Variants in NAALADL2 observed in about 807,000 individuals in gnomAD.
NAALADL2 encodes the protein N-acetylated alpha-linked acidic dipeptidase like 2, also known as inactive N-acetylated-alpha-linked acidic dipeptidase-like protein 2.
NAALADL2 carries 76 observed loss-of-function variants against 87.2 expected under a neutral mutation model. The ratio of observed to expected loss-of-function variants is 0.87; its 90% CI spans 0.72 to 1.05. The LOEUF is 1.05. Ranked by LOEUF, NAALADL2 falls within the 50% of genes least tolerant of loss-of-function variation. The probability of loss-of-function intolerance (pLI) is 0.00; values close to 1 mark genes in which losing one functional copy is unlikely to be tolerated. For synonymous variants in NAALADL2, 354 were observed against 331.0 expected, an observed-to-expected ratio of 1.07 and a Z score of -0.75; for missense variants, 1,089 against 945.8, an observed-to-expected ratio of 1.15 and a Z score of -1.99.
Position 175,563,620 on chromosome 3 carries a change from A to G in NAALADL2, c.1654-12421A>G, listed in dbSNP as rs146096861. On this transcript the variant is annotated intron_variant, in intron 9 of 13. Coordinates refer to ENST00000454872, the MANE Select transcript of NAALADL2 (RefSeq NM_207015.3). ...GTTTTACAAACTCTTTTAAGTATCT[A>G]TTTTATTGTGCTGATCAATATAGGG... is the stretch of plus-strand genomic sequence containing the variant. Among the ~76,000 whole-genome samples, 241 of 152,318 alleles carry G rather than the reference A, an allele frequency of 1.6e-3. 1 individual carries two copies. The highest frequency in any genetic ancestry group is 5.4e-3 in the African/African-American group (226 of 41,572).
chr3:174,886,757 G>T (rs565276080), intron 1 of NAALADL2, among the ~76,000 whole-genome samples: 1 of 152,236 alleles, frequency 6.6e-6, no homozygotes, highest in East Asian at 1.9e-4. Flanking sequence ...GTTGATAATA[G>T]CAAAAATGAG....
chr3:175,786,196 G>A (rs537187920), intron 13 of NAALADL2, among the ~76,000 whole-genome samples: 79 of 151,680 alleles, frequency 5.2e-4, no homozygotes, highest in Non-Finnish European at 7.1e-4. Flanking sequence ...TGCTCTTCTC[G>A]AGGAGTATCT....
rs1178170216 is a variant in NAALADL2 at position 175,071,455 on chromosome 3, G to A, written c.44-25335G>A. 2.0e-5 allele frequency among the ~76,000 whole-genome samples: 3 copies of A among 151,954 alleles called. No individual in the cohort carries two copies. The East Asian group carries it at 5.8e-4, about 29-fold the overall frequency. On this transcript the variant is annotated intron_variant, in intron 1 of 13. Coordinates refer to ENST00000454872, the MANE Select transcript of NAALADL2 (RefSeq NM_207015.3). ...ATTCTTTTCTCTTTTTGTTATGTCA[G>A]TTGTGTGCATACAGTTTTTCATATA...
chr3:174,839,051 A>T (rs1453911381), intron 3 of NAALADL2, among the ~76,000 whole-genome samples: 1 of 152,224 alleles, frequency 6.6e-6, no homozygotes, highest in African/African-American at 2.4e-5. Context: ...AAGACTAAGC[A>T]AAAAGAAGAA....
chr3:174,952,416 G>C (rs909222930), intron 1 of NAALADL2, among the ~76,000 whole-genome samples: 1 of 152,076 alleles, frequency 6.6e-6, no homozygotes, highest in African/African-American at 2.4e-5. Context: ...CTTTAGACAG[G>C]ATTTGCCTGT....
intron 1 of NAALADL2, among the ~76,000 whole-genome samples, chr3:174,885,856 A>G (rs1007629342): frequency 1.7e-5 from 2 of 115,422 alleles, no homozygotes; most frequent in African/African-American, 6.6e-5. Context: ...GCTGAGGAGC[A>G]AGGAGAGCCA....
At chr3:174,734,269 G>A (rs1732980293) in intron 2 of NAALADL2, among the ~76,000 whole-genome samples, 1 of 152,094 alleles carries the variant, frequency 6.6e-6, no homozygotes, top group Non-Finnish European at 1.5e-5. Context: ...TAAATGTCCT[G>A]AATTATGTGT....
At chr3:174,835,785 A>T (rs1182509475) in intron 3 of NAALADL2, among the ~76,000 whole-genome samples, 1 of 152,212 alleles carries the variant, frequency 6.6e-6, no homozygotes, top group Non-Finnish European at 1.5e-5. Flanking sequence ...GGGAAATCCA[A>T]ATCAAAACAA....
chr3:175,179,041 T>G (rs1345336965), intron 2 of NAALADL2, among the ~76,000 whole-genome samples: 1 of 152,030 alleles, frequency 6.6e-6, no homozygotes, highest in African/African-American at 2.4e-5. Flanking sequence ...CTACCCTCCA[T>G]GGTTTTCTAA....
chr3:175,320,161 G>A (rs1759664241), intron 4 of NAALADL2, among the ~76,000 whole-genome samples: 2 of 151,876 alleles, frequency 1.3e-5, no homozygotes, highest in Non-Finnish European at 2.9e-5. Flanking sequence ...AATAGAATTA[G>A]CAAATCATGA....
At chr3:174,455,688 C>A (rs1253182274) in intron 1 of NAALADL2, among the ~76,000 whole-genome samples, 1 of 152,094 alleles carries the variant, frequency 6.6e-6, no homozygotes, top group Admixed American at 6.5e-5. Context: ...ATGTTAAAAG[C>A]TCTCTATAAA....
At chr3:174,477,346 A>G (rs1313745720) in intron 1 of NAALADL2, among the ~76,000 whole-genome samples, 1 of 152,144 alleles carries the variant, frequency 6.6e-6, no homozygotes. Context: ...GTATGAAAGC[A>G]TAAAACTGGA....
intron 2 of NAALADL2, among the ~76,000 whole-genome samples, chr3:174,566,655 C>A (rs1195445514): frequency 2.0e-5 from 3 of 151,366 alleles, no homozygotes; most frequent in East Asian, 3.9e-4. Context: ...CCTTATTTTT[C>A]TATCTTGTTT....
intron 3 of NAALADL2, among the ~76,000 whole-genome samples, chr3:175,255,627 A>G (rs1040085395): frequency 4.6e-5 from 7 of 152,228 alleles, no homozygotes; most frequent in African/African-American, 1.4e-4. Flanking sequence ...ATAGGAATAT[A>G]TGAATCTGCA....
At chr3:175,014,620 T>TGTG (rs1750582910) in intron 1 of NAALADL2, among the ~76,000 whole-genome samples, 2 of 152,172 alleles carry the variant, frequency 1.3e-5, no homozygotes, top group Admixed American at 1.3e-4. Flanking sequence ...TATAATTAAA[T>TGTG]GTGGGTAAAT....
At chr3:174,733,840 G>T (rs1312464554) in intron 2 of NAALADL2, among the ~76,000 whole-genome samples, 1 of 152,134 alleles carries the variant, frequency 6.6e-6, no homozygotes, top group Non-Finnish European at 1.5e-5. Context: ...ACTTGGGAGG[G>T]TTAAGAGCAA....
intron 10 of NAALADL2, among the ~76,000 whole-genome samples, chr3:175,583,669 A>G (rs2149581724): frequency 6.6e-6 from 1 of 152,356 alleles, no homozygotes; most frequent in South Asian, 2.1e-4. Flanking sequence ...ATAGAATTTT[A>G]TTCAACAAGA....
At chr3:174,530,008 G>A (rs1721096942) in intron 1 of NAALADL2, among the ~76,000 whole-genome samples, 1 of 152,172 alleles carries the variant, frequency 6.6e-6, no homozygotes, top group South Asian at 2.1e-4. Flanking sequence ...AATTTCTGCA[G>A]CCGGCTTGAA....
At chr3:174,505,233 GGT>G (rs1214376512) in intron 1 of NAALADL2, among the ~76,000 whole-genome samples, 1 of 151,974 alleles carries the variant, frequency 6.6e-6, no homozygotes, top group East Asian at 1.9e-4. Context: ...GTTTCATCCA[GGT>G]GCAAAAATGA....
Sources: allele counts gnomAD v4.1 joint callset (sites outside exome capture counted in the v4.1 genomes callset), GRCh38; gene constraint gnomAD v4.1.1; transcripts MANE v1.5; gene names NCBI Gene and HGNC (gene_info 2026-07-23, HGNC 2026-07-21).